UGGT2: variants seen among roughly 807,000 people sequenced by gnomAD.
UGGT2 encodes UDP-glucose glycoprotein glucosyltransferase 2.
A neutral mutation model predicts 192.1 loss-of-function variants in UGGT2; 180 were observed. The observed-to-expected ratio is 0.94, with a 90% CI of 0.83 to 1.06. UGGT2 has a LOEUF of 1.06. Among genes scored for constraint, UGGT2 ranks in the 50% least tolerant of loss-of-function variants. The pLI is 0.00. For synonymous variants in UGGT2, 580 were observed against 591.0 expected, an observed-to-expected ratio of 0.98 and a Z score of 0.27; for missense variants, 1,849 against 1,795.7, an observed-to-expected ratio of 1.03 and a Z score of -0.54.
rs1439968276 is a variant in UGGT2 at position 95,854,495 on chromosome 13, T to C, written c.4009-20A>G. On this transcript the variant is annotated intron_variant, in intron 34 of 38. Transcript: ENST00000376747. ...CACAATCTAAATAATTAAAATAGAC[T>C]GTCTGATAAAGACTGTAAAATAACA... The C allele has an allele frequency of 5.1e-6, 8 of 1,579,784 alleles. No individual in the cohort carries two copies. The African/African-American group carries it at 1.1e-4, about 22-fold the overall frequency.
At chr13:95,953,680 T>A (rs1431136312) in intron 12 of UGGT2, among the ~76,000 whole-genome samples, 2 of 152,066 alleles carry the variant, frequency 1.3e-5, no homozygotes, top group East Asian at 3.9e-4. Flanking sequence ...TGAAACAATA[T>A]GAAGTGCACA....
chr13:95,854,377 T>C lies in UGGT2; in HGVS notation c.4107A>G (p.Gly1369=), dbSNP rs35923174. The C allele has an allele frequency of 2.5e-6, 4 of 1,613,792 alleles. No individual in the cohort carries two copies. Among genetic ancestry groups the C allele is most frequent in the Admixed American group, 3.3e-5 (2 of 59,952 alleles). Residue 1369 remains glycine (G), a synonymous_variant, in exon 35 of 39, where the codon GGA becomes GGG. Transcript: ENST00000376747. The part of the protein sequence containing the change: ...PFCDSRREMD[G]YRFWKTGYWA... ...AGTATCCTGTTTTCCAGAAACGATATCCATCCATTTCCCTGCGGCTATCAC... is the reference window on the plus strand; with the variant it reads ...AGTATCCTGTTTTCCAGAAACGATACCCATCCATTTCCCTGCGGCTATCAC...
At position 95,856,159 on chromosome 13, in the gene UGGT2, T is replaced by C; in HGVS notation, c.4007A>G (p.Gln1336Arg). The C allele has an allele frequency of 6.2e-7, 1 of 1,608,216 alleles. No individual in the cohort carries two copies. The highest frequency in any genetic ancestry group is 1.7e-5 in the Admixed American group (1 of 58,016). The change falls in exon 34 of 39, where the codon CAG becomes CGG. Residue 1336 changes from glutamine (Q) to arginine (R), a missense_variant and splice_region_variant. By Grantham distance (43) the Gln-to-Arg change is conservative. Transcript: ENST00000376747. Reference protein sequence around the residue: ...VDKIIFVDADQIVRHDLKELR... With the variant: ...VDKIIFVDADRIVRHDLKELR... ...AAAAATAGTAGTTAACCTTATTACC[T>C]GGTCAGCATCAACAAAAATGATTTT...
intron 38 of UGGT2, among the ~76,000 whole-genome samples, chr13:95,805,258 G>A (rs1249005993): frequency 6.7e-6 from 1 of 149,844 alleles, no homozygotes; most frequent in African/African-American, 2.5e-5. Flanking sequence ...AGACCCATTA[G>A]TATGACTGCT....
intron 17 of UGGT2, among the ~76,000 whole-genome samples, chr13:95,932,768 A>G (rs1424500535): frequency 2.0e-5 from 3 of 152,160 alleles, no homozygotes; most frequent in Non-Finnish European, 4.4e-5. Context: ...TGTTCCTTCA[A>G]TGCAGTTTGT....
chr13:96,046,578 G>A (rs1004489875), intron 1 of UGGT2, among the ~76,000 whole-genome samples: 7 of 152,226 alleles, frequency 4.6e-5, no homozygotes, highest in Non-Finnish European at 1.0e-4. Flanking sequence ...ATTTCCAACT[G>A]AGGTACCAGG....
intron 12 of UGGT2, among the ~76,000 whole-genome samples, chr13:95,959,569 T>C (rs2050323161): frequency 6.6e-6 from 1 of 152,168 alleles, no homozygotes; most frequent in Non-Finnish European, 1.5e-5. Flanking sequence ...CATTGGCATC[T>C]GAGCACACCT....
chr13:95,877,452 A>G (rs1891817681), intron 28 of UGGT2, 88 bp from the exon 29 acceptor site: 1 of 1,123,188 alleles, frequency 8.9e-7, no homozygotes, highest in African/African-American at 1.6e-5. Flanking sequence ...CTAAGAAAGT[A>G]TTTATTAACT....
chr13:96,014,659 T>A (rs563598802), intron 4 of UGGT2, among the ~76,000 whole-genome samples: 1 of 152,274 alleles, frequency 6.6e-6, no homozygotes, highest in South Asian at 2.1e-4. Flanking sequence ...TGAAGAGACA[T>A]GAATGTGCAA....
chr13:96,053,026 C>T, intron 1 of UGGT2, 129 bp downstream of exon 1: 1 of 1,282,974 alleles, frequency 7.8e-7, no homozygotes, highest in Non-Finnish European at 1.0e-6. Flanking sequence ...TGGTGATGCT[C>T]AGGGCCAGAG....
chr13:95,859,498 T>A (rs1013061948), intron 33 of UGGT2, 93 bp downstream of exon 33: 1 of 1,058,500 alleles, frequency 9.4e-7, no homozygotes, highest in East Asian at 2.7e-5. Flanking sequence ...AAAAAGCTTA[T>A]TCTGAAAAGA....
intron 1 of UGGT2, among the ~76,000 whole-genome samples, chr13:96,046,388 G>A (rs1566858605): frequency 6.6e-6 from 1 of 152,170 alleles, no homozygotes. Flanking sequence ...AATTCTAGAA[G>A]ATAACCTCAG....
chr13:95,945,724 G>A (rs528352256), intron 15 of UGGT2, among the ~76,000 whole-genome samples: 3 of 150,930 alleles, frequency 2.0e-5, no homozygotes, highest in African/African-American at 7.3e-5. Flanking sequence ...AATTGACTAT[G>A]TCCCTTATAA....
rs770851354 is a variant in UGGT2, at chr13:96,023,624, C to T, written c.372+5G>A. ...GTCAAATACAGATTGGGTATTTTTACGCACCTGCTGAAACATCTGAATAGC... is the reference window on the plus strand; with the variant it reads ...GTCAAATACAGATTGGGTATTTTTATGCACCTGCTGAAACATCTGAATAGC... On this transcript the variant is annotated splice_donor_5th_base_variant and intron_variant, in intron 3 of 38. Transcript: ENST00000376747. 24 of 1,601,252 alleles carry T rather than the reference C, an allele frequency of 1.5e-5. No individual in the cohort carries two copies. The highest frequency in any genetic ancestry group is 3.3e-4 in the Middle Eastern group (2 of 6,012).
intron 30 of UGGT2, 67 bp from the exon 31 acceptor site, chr13:95,863,781 T>C (rs1890384730): frequency 1.6e-6 from 2 of 1,247,274 alleles, no homozygotes; most frequent in Non-Finnish European, 2.3e-6. Context: ...GGTTAGAAAG[T>C]GAAACATATT....
In UGGT2 at chr13:95,927,016, T is replaced by G; in HGVS notation, c.2200+12A>C. 6.3e-7 allele frequency: 1 copy of G among 1,584,428 alleles called. No individual in the cohort carries two copies. The highest frequency in any genetic ancestry group is 8.6e-7 in the Non-Finnish European group (1 of 1,168,616). On this transcript the variant is annotated intron_variant, in intron 19 of 38. Coordinates refer to ENST00000376747, the MANE Select transcript of UGGT2 (RefSeq NM_020121.4). ...ACTTTAAGAATTCAGGTAAATAAAA[T>G]ATGCTTATTACCGTCTTGGGTTAAA... is the stretch of plus-strand genomic sequence containing the variant.
intron 38 of UGGT2, among the ~76,000 whole-genome samples, chr13:95,808,201 T>C (rs2139735427): frequency 6.6e-6 from 1 of 152,334 alleles, no homozygotes; most frequent in Non-Finnish European, 1.5e-5. Context: ...GAAAGGGTTC[T>C]TGTTGCCCAG....
chr13:95,891,054 G>A (rs2140236050), intron 24 of UGGT2, 90 bp from the exon 25 acceptor site: 1 of 929,110 alleles, frequency 1.1e-6, no homozygotes, highest in East Asian at 2.8e-5. Context: ...CTTATAAATT[G>A]TTTTCTTTCT....
Position 95,890,919 on chromosome 13 carries a change from G to A in UGGT2, c.2901C>T (p.Val967=). The change falls in exon 25 of 39, where the codon GTC becomes GTT. Residue 967 remains valine, a synonymous_variant. Coordinates refer to ENST00000376747, the MANE Select transcript of UGGT2 (RefSeq NM_020121.4). Reference sequence around the variant, plus strand: ...TTGTTAATGGATCAACAATAGCAATGACATTGAAGAACATATCATTCTCTT... The same window carrying A: ...TTGTTAATGGATCAACAATAGCAATAACATTGAAGAACATATCATTCTCTT... The part of the protein sequence containing the change: ...NPQENDMFFN[V]IAIVDPLTRE... 1.9e-6 allele frequency: 3 copies of A among 1,612,822 alleles called. No homozygotes were observed. Among genetic ancestry groups the A allele is most frequent in the Non-Finnish European group, 2.5e-6 (3 of 1,179,358 alleles).
Sources: gnomAD v4.1 joint callset for allele counts (sites outside exome capture counted in the v4.1 genomes callset) on GRCh38, gnomAD v4.1.1 for gene constraint, MANE v1.5 for transcripts, NCBI Gene and HGNC (gene_info 2026-07-23, HGNC 2026-07-21) for gene names.